The following TNN variants were observed in gnomAD, a reference collection of about 807,000 sequenced individuals.
TNN encodes tenascin N, also known as tenascin-N.
Under a neutral mutation model 134.4 loss-of-function variants are expected in TNN, and 122 were observed. The observed-to-expected ratio is 0.91, with a 90% confidence interval of 0.78 to 1.06. The LOEUF is 1.06. TNN is among the 50% of genes least tolerant of loss of function. The probability of loss-of-function intolerance (pLI) is 0.00; values close to 1 mark genes in which losing one functional copy is unlikely to be tolerated. For missense variants in TNN, 1,739 were observed against 1,699.4 expected (o/e 1.02, Z -0.41); for synonymous variants, 710 against 670.3 (o/e 1.06, Z -0.91).
rs1232088616 is a variant in TNN, at chr1:175,079,369, C to T, written c.446C>T (p.Ser149Phe). ...SRHCSGHGTFSLETCSCHCEE... is the reference protein window; with the variant it reads ...SRHCSGHGTFFLETCSCHCEE... ...CACTGCAGCGGCCACGGGACCTTCTCCCTGGAGACCTGCAGCTGCCACTGC... is the reference window on the plus strand; with the variant it reads ...CACTGCAGCGGCCACGGGACCTTCTTCCTGGAGACCTGCAGCTGCCACTGC... Residue 149 changes from serine to phenylalanine, a missense_variant, in exon 3 of 19, where the codon TCC becomes TTC. By Grantham distance (155) the Ser-to-Phe change is radical. Transcript: ENST00000239462. The T allele has an allele frequency of 2.5e-6, 4 of 1,598,614 alleles. No homozygotes were observed. Among genetic ancestry groups the T allele is most frequent in the Middle Eastern group, 1.7e-4 (1 of 6,052 alleles).
rs114652925 is a variant in TNN at position 175,145,371 on chromosome 1, C to T, written c.3759+821C>T. Among the ~76,000 whole-genome samples the T allele has an allele frequency of 5.4e-3, 820 of 151,414 alleles. 5 individuals carry two copies. Among genetic ancestry groups the T allele is most frequent in the Non-Finnish European group, 8.8e-3 (596 of 67,834 alleles). On this transcript the variant is annotated intron_variant, in intron 18 of 18. Coordinates refer to ENST00000239462, the MANE Select transcript of TNN (RefSeq NM_022093.2). ...AATTTGAGACCAGCCTGGGTAACAT[C>T]GTGAAACCCTGTCTCTACAAAAGAT...
intron 17 of TNN, among the ~76,000 whole-genome samples, chr1:175,142,593 G>A (rs965743925): frequency 6.6e-6 from 1 of 151,804 alleles, no homozygotes; most frequent in African/African-American, 2.4e-5. Context: ...TCTGGGCTGG[G>A]GCCAAATAAT....
chr1:175,095,952 G>A (rs968745241), intron 7 of TNN, among the ~76,000 whole-genome samples: 3 of 152,358 alleles, frequency 2.0e-5, no homozygotes, highest in Non-Finnish European at 4.4e-5. Context: ...GCAGCAGGGA[G>A]CCTCTGGAGG....
Position 175,123,468 on chromosome 1 carries a change from C to G in TNN, c.2719C>G (p.Pro907Ala). Residue 907 changes from proline (P) to alanine (A), a missense_variant, in exon 12 of 19, where the codon CCG becomes GCG. Physicochemically the swap from Pro to Ala is conservative, Grantham distance 27 (BLOSUM62 -1). Transcript: ENST00000239462. ...GAATATGGCCACTGTCTCCTGGGAC[C>G]CGGTTCAGGCCACCATTGACAAGTA... ...TENMATVSWDPVQATIDKYMV... is the reference protein window; with the variant it reads ...TENMATVSWDAVQATIDKYMV... The G allele has an allele frequency of 6.2e-7, 1 of 1,614,198 alleles. No individual in the cohort carries two copies. Among genetic ancestry groups the G allele is most frequent in the East Asian group, 2.2e-5 (1 of 44,884 alleles).
intron 1 of TNN, 69 bp from the exon 2 acceptor site, chr1:175,077,315 T>C: frequency 8.2e-7 from 1 of 1,218,006 alleles, no homozygotes; most frequent in Non-Finnish European, 1.1e-6. Context: ...TCTTAGAATC[T>C]GGTAAAAAAA....
chr1:175,080,157 C>G lies in TNN; in HGVS notation c.785-6C>G. 1 of 1,613,460 alleles carries G rather than the reference C, an allele frequency of 6.2e-7. No homozygotes were observed. The highest frequency in any genetic ancestry group is 8.5e-7 in the Non-Finnish European group (1 of 1,179,866). On this transcript the variant is annotated splice_region_variant and splice_polypyrimidine_tract_variant and intron_variant, in intron 3 of 18. Coordinates refer to ENST00000239462, the MANE Select transcript of TNN (RefSeq NM_022093.2). The stretch of plus-strand genomic sequence containing the variant: ...CCTCTCTGCCCTGTTCCTGTTCTGC[C>G]TGCAGTGGTCACCCCACAGGGCCTG...
chr1:175,077,807 G>A lies in TNN; in HGVS notation c.389G>A (p.Arg130His), dbSNP rs769031518. 4 of 1,611,584 alleles carry A rather than the reference G, an allele frequency of 2.5e-6. No homozygotes were observed. Among genetic ancestry groups the A allele is most frequent in the Middle Eastern group, 1.6e-4 (1 of 6,078 alleles). ...ATGAAGGAACAGTGTAGTGCCCAGC[G>A]CTGCTGCCAGGGAGTCACTGGTGAG... ...VEMKEQCSAQ[R>H]CCQGVTDLSR... is the part of the protein sequence containing the mutation. Residue 130 changes from arginine (R) to histidine (H), a missense_variant, in exon 2 of 19, where the codon CGC becomes CAC. Arg to His is a conservative substitution (Grantham distance 29). Coordinates refer to ENST00000239462, the MANE Select transcript of TNN (RefSeq NM_022093.2).
intron 1 of TNN, among the ~76,000 whole-genome samples, chr1:175,073,531 C>G (rs530799951): frequency 1.3e-5 from 2 of 152,300 alleles, no homozygotes; most frequent in African/African-American, 2.4e-5. Flanking sequence ...GCCTCAGTCT[C>G]TCATCCAGGC....
At chr1:175,080,907 C>T (rs1231288590) in intron 4 of TNN, among the ~76,000 whole-genome samples, 1 of 152,170 alleles carries the variant, frequency 6.6e-6, no homozygotes, top group Non-Finnish European at 1.5e-5. Context: ...TGGATGGTGA[C>T]ACACTAAGAC....
At chr1:175,083,343 C>T (rs1475977645) in intron 4 of TNN, among the ~76,000 whole-genome samples, 6 of 152,210 alleles carry the variant, frequency 3.9e-5, no homozygotes, top group Non-Finnish European at 7.3e-5. Flanking sequence ...AGCTGCTTAT[C>T]CTGAGGTCGT....
intron 17 of TNN, among the ~76,000 whole-genome samples, chr1:175,137,325 G>A (rs1241422289): frequency 2.6e-5 from 4 of 151,348 alleles, no homozygotes; most frequent in South Asian, 2.1e-4. Context: ...TCTTTCATTC[G>A]GCTTTAGCAG....
In TNN at chr1:175,106,783, C is replaced by T. The variant is rs773851779; in HGVS notation, c.2119+8188C>T. Among the ~76,000 whole-genome samples the T allele has an allele frequency of 9.6e-5, 14 of 145,642 alleles. No individual in the cohort carries two copies. The East Asian group carries it at 1.8e-3, about 19-fold the overall frequency. On this transcript the variant is annotated intron_variant, in intron 9 of 18. Coordinates refer to ENST00000239462, the MANE Select transcript of TNN (RefSeq NM_022093.2). Reference sequence around the variant, plus strand: ...CATGGCTTTCCTCACTGTCAACCCACGGCTCAGCCCAGAAGTACAGGAAAA... The same window carrying T: ...CATGGCTTTCCTCACTGTCAACCCATGGCTCAGCCCAGAAGTACAGGAAAA...
intron 15 of TNN, among the ~76,000 whole-genome samples, chr1:175,131,435 T>C (rs1675670808): frequency 6.6e-6 from 1 of 152,198 alleles, no homozygotes; most frequent in African/African-American, 2.4e-5. Context: ...TTCTTTTGTT[T>C]GTTTGTTTTT....
In TNN at chr1:175,077,643, G is replaced by A. The variant is rs145663125; in HGVS notation, c.225G>A (p.Leu75=). Reference sequence around the variant, plus strand: ...ACGATGGGGCTTCGCTCTTGGCCCTGGGGGAGGCCAGGGAGGAACAGAACA... The same window carrying A: ...ACGATGGGGCTTCGCTCTTGGCCCTAGGGGAGGCCAGGGAGGAACAGAACA... ...LSDDGASLLA[L]GEAREEQNII... The change falls in exon 2 of 19, where the codon CTG becomes CTA. Residue 75 remains leucine (L), a synonymous_variant. Coordinates refer to ENST00000239462, the MANE Select transcript of TNN (RefSeq NM_022093.2). 336 of 1,614,234 alleles carry A rather than the reference G, an allele frequency of 2.1e-4. 2 individuals are homozygous for A. The East Asian group carries it at 7.4e-3, about 35-fold the overall frequency.
At position 175,146,925 on chromosome 1, in the gene TNN, T is replaced by TTTTTTGGG; in HGVS notation, c.3760-6_3760-5insTTTTTGGG. On this transcript the variant is annotated splice_region_variant and splice_polypyrimidine_tract_variant and intron_variant, in intron 18 of 18. Transcript: ENST00000239462. Reference sequence around the variant, plus strand: ...CTTGATGTGGCTTTTTTTTTTTTTTTGGTAGGGGGTGAACTGGGAGCCTTG... The same window carrying TTTTTTGGG: ...CTTGATGTGGCTTTTTTTTTTTTTTTTTTTTGGGGGTAGGGGGTGAACTGGGAGCCTTG... 6.7e-7 allele frequency: 1 copy of TTTTTTGGG among 1,488,354 alleles called. No individual in the cohort carries two copies. The allele number at this position is 1,488,354 out of a possible 1,614,324, so 92.2% of individuals were successfully genotyped here.
chr1:175,100,234 T>A (rs61827441), intron 9 of TNN, among the ~76,000 whole-genome samples: 17,008 of 152,260 alleles, frequency 0.11, 1,203 homozygotes, highest in Non-Finnish European at 0.16. Context: ...CAGAGGTCTA[T>A]CTTGTGCATT....
At position 175,077,680 on chromosome 1, in the gene TNN, C is replaced by A. The variant is rs539702818; in HGVS notation, c.262C>A (p.His88Asn). ...AREEQNIIFR[H>N]NIRLQTPQKD... ...GGAGGAACAGAACATCATCTTCAGG[C>A]ACAACATCCGCCTTCAGACGCCACA... Residue 88 changes from histidine to asparagine, a missense_variant, in exon 2 of 19, where the codon CAC (histidine) becomes AAC (asparagine). By Grantham distance (68) the His-to-Asn change is moderately conservative. Coordinates refer to ENST00000239462, the MANE Select transcript of TNN (RefSeq NM_022093.2). The A allele has an allele frequency of 1.4e-5, 22 of 1,614,248 alleles. No homozygotes were observed. The Admixed American group carries it at 2.8e-4, about 21-fold the overall frequency.
intron 6 of TNN, among the ~76,000 whole-genome samples, chr1:175,089,869 A>T (rs1674402444): frequency 6.6e-6 from 1 of 152,202 alleles, no homozygotes; most frequent in Non-Finnish European, 1.5e-5. Context: ...TGATTTCCAA[A>T]CACAATGTTC....
At chr1:175,097,999 G>T (rs1314437663) in intron 8 of TNN, among the ~76,000 whole-genome samples, 1 of 152,196 alleles carries the variant, frequency 6.6e-6, no homozygotes, top group Non-Finnish European at 1.5e-5. Flanking sequence ...CAGTGAAGTA[G>T]CCCTTGATAA....
Sources: gnomAD v4.1 joint callset for allele counts (sites outside exome capture counted in the v4.1 genomes callset) on GRCh38, gnomAD v4.1.1 for gene constraint, MANE v1.5 for transcripts, NCBI Gene and HGNC (gene_info 2026-07-23, HGNC 2026-07-21) for gene names.